The following CCDC141 variants were observed in gnomAD, a reference collection of about 807,000 sequenced individuals.
CCDC141 encodes coiled-coil domain-containing protein 141.
CCDC141 carries 168 observed loss-of-function variants against 181.0 expected under a neutral mutation model. The ratio of observed to expected loss-of-function variants is 0.93; its 90% CI spans 0.82 to 1.05. The LOEUF is 1.05. Ranked by LOEUF, CCDC141 falls within the 50% of genes least tolerant of loss-of-function variation. The pLI is 0.00. For synonymous variants in CCDC141, 666 were observed against 642.3 expected (o/e 1.04, Z -0.56); for missense variants, 1,902 against 1,788.5 (o/e 1.06, Z -1.14).
downstream of CCDC141, among the ~76,000 whole-genome samples, chr2:178,827,421 A>C (rs1684142994): frequency 6.6e-6 from 1 of 152,084 alleles, no homozygotes; most frequent in African/African-American, 2.4e-5. Context: ...TAGTAATCCC[A>C]TTTTTTGAAC....
chr2:178,858,965 G>A lies in CCDC141; in HGVS notation c.2725-2568C>T, dbSNP rs532517062. Among the ~76,000 whole-genome samples the A allele has an allele frequency of 4.0e-4, 61 of 152,200 alleles. 2 individuals are homozygous for A. The South Asian group carries it at 0.013, about 32-fold the overall frequency. On this transcript the variant is annotated intron_variant, in intron 17 of 23. Coordinates refer to ENST00000443758, the MANE Select transcript of CCDC141 (RefSeq NM_173648.4). Reference sequence around the variant, plus strand: ...AACCATGAGATTTTAAATCTACTTTGGATTAAGAAATTTAAGACTGATAAA... The same window carrying A: ...AACCATGAGATTTTAAATCTACTTTAGATTAAGAAATTTAAGACTGATAAA...
chr2:179,043,986 A>C (rs894350387), intron 2 of CCDC141, among the ~76,000 whole-genome samples: 2 of 152,194 alleles, frequency 1.3e-5, no homozygotes, highest in Admixed American at 6.5e-5. Context: ...ACGTGCAAAA[A>C]CCGCTAGCAT....
chr2:178,882,578 C>T (rs1041067530), intron 11 of CCDC141, among the ~76,000 whole-genome samples: 2 of 151,644 alleles, frequency 1.3e-5, no homozygotes, highest in Admixed American at 6.6e-5. Flanking sequence ...TTCTCAATGG[C>T]TTCATTTTTT....
Position 178,888,657 on chromosome 2 carries a change from G to T in CCDC141, c.1277C>A (p.Ser426Tyr). The T allele has an allele frequency of 3.2e-6, 5 of 1,550,532 alleles. No homozygotes were observed. Among genetic ancestry groups the T allele is most frequent in the Non-Finnish European group, 3.5e-6 (4 of 1,146,786 alleles). The change falls in exon 9 of 24, where the codon TCC (serine) becomes TAC (tyrosine). Residue 426 changes from serine (S) to tyrosine (Y), a missense_variant. Coordinates refer to ENST00000443758, the MANE Select transcript of CCDC141 (RefSeq NM_173648.4). ...GCACCCCATCATCTCATGGATGCCGGACACCTGAGAGCTGAACAGAGCAAG... is the reference window on the plus strand; with the variant it reads ...GCACCCCATCATCTCATGGATGCCGTACACCTGAGAGCTGAACAGAGCAAG... ...SQVDSCSSQV[S>Y]GIHEMMGCIK...
chr2:179,049,299 G>C (rs913340258), intron 1 of CCDC141, among the ~76,000 whole-genome samples: 3 of 152,170 alleles, frequency 2.0e-5, no homozygotes, highest in African/African-American at 7.2e-5. Context: ...CAAGGATTTA[G>C]TAGTTTCTTT....
intron 2 of CCDC141, among the ~76,000 whole-genome samples, chr2:179,015,482 T>C (rs559245716): frequency 3.1e-4 from 31 of 100,034 alleles, no homozygotes; most frequent in African/African-American, 7.3e-4. Context: ...ATGTGCCATA[T>C]ATATCATATA....
intron 2 of CCDC141, among the ~76,000 whole-genome samples, chr2:179,039,278 A>G (rs964089100): frequency 2.0e-4 from 31 of 152,188 alleles, no homozygotes; most frequent in African/African-American, 7.2e-4. Flanking sequence ...CCTTATAAAA[A>G]TTCTCAGTTT....
chr2:178,952,709 T>C (rs1429347922), intron 5 of CCDC141, among the ~76,000 whole-genome samples: 2 of 152,376 alleles, frequency 1.3e-5, no homozygotes, highest in East Asian at 1.9e-4. Flanking sequence ...ATAGCCTATA[T>C]ACCAAAATGA....
chr2:179,005,085 T>C (rs2042086090), intron 2 of CCDC141, among the ~76,000 whole-genome samples: 1 of 152,198 alleles, frequency 6.6e-6, no homozygotes, highest in South Asian at 2.1e-4. Context: ...TTGAGAGCTT[T>C]TAAATCACCA....
chr2:178,980,220 C>T (rs924118463), intron 2 of CCDC141, among the ~76,000 whole-genome samples: 4 of 152,166 alleles, frequency 2.6e-5, no homozygotes, highest in Admixed American at 6.5e-5. Flanking sequence ...GAGACCGAGG[C>T]GGGCAGATCA....
chr2:178,968,761 A>T (rs1690746810), intron 4 of CCDC141, among the ~76,000 whole-genome samples: 3 of 152,090 alleles, frequency 2.0e-5, no homozygotes, highest in African/African-American at 4.8e-5. Context: ...AGGAGATAGA[A>T]ACACTAAAAA....
chr2:179,006,667 G>C (rs989605155), intron 2 of CCDC141, among the ~76,000 whole-genome samples: 4 of 152,156 alleles, frequency 2.6e-5, no homozygotes, highest in African/African-American at 9.7e-5. Context: ...TTTAAAATTA[G>C]ATCCAGGGTT....
chr2:178,991,668 A>C (rs1692060769), intron 2 of CCDC141, among the ~76,000 whole-genome samples: 1 of 152,120 alleles, frequency 6.6e-6, no homozygotes. Context: ...AAAATAACTA[A>C]AAGTAAAGAT....
chr2:178,869,823 T>A (rs976840455), intron 14 of CCDC141, among the ~76,000 whole-genome samples: 5 of 152,202 alleles, frequency 3.3e-5, no homozygotes, highest in African/African-American at 9.6e-5. Flanking sequence ...CATCCCATGA[T>A]CCACAAATAG....
intron 8 of CCDC141, among the ~76,000 whole-genome samples, chr2:178,896,019 T>C (rs1188312335): frequency 6.6e-6 from 1 of 152,184 alleles, no homozygotes; most frequent in African/African-American, 2.4e-5. Context: ...GTTGATATCA[T>C]GGTCTGAATG....
rs776889329 is a variant in CCDC141, at chr2:178,918,727, T to TA, written c.1077dup (p.Asn360Ter). The TA allele has an allele frequency of 1.2e-5, 19 of 1,550,522 alleles. No homozygotes were observed. The highest frequency in any genetic ancestry group is 1.7e-5 in the Non-Finnish European group (19 of 1,146,950). On this transcript the variant is annotated frameshift_variant, in exon 7 of 24. Coordinates refer to ENST00000443758, the MANE Select transcript of CCDC141 (RefSeq NM_173648.4). LOFTEE classifies it high-confidence loss of function. ...CTCACACTGACCTTGTTAGCACTGT[T>TA]AAAAAATTCATTCGCCTTCTTTAAC...
In CCDC141 at chr2:178,920,022, T is replaced by C. The variant is rs559013260; in HGVS notation, c.898-1115A>G. On this transcript the variant is annotated intron_variant, in intron 6 of 23. Coordinates refer to ENST00000443758, the MANE Select transcript of CCDC141 (RefSeq NM_173648.4). The stretch of plus-strand genomic sequence containing the variant: ...AATATGAGTTGGAGTAAACCAAACA[T>C]ATTTACATTCAATTTATTTGAAGGG... Among the ~76,000 whole-genome samples, 34 of 152,346 alleles carry C rather than the reference T, an allele frequency of 2.2e-4. No homozygotes were observed. In the East Asian group the frequency reaches 6.0e-3, roughly 27 times the overall value.
At chr2:179,011,399 G>A (rs957820778) in intron 2 of CCDC141, among the ~76,000 whole-genome samples, 1 of 152,150 alleles carries the variant, frequency 6.6e-6, no homozygotes, top group East Asian at 1.9e-4. Flanking sequence ...AATGGTAAAA[G>A]ACCTTGTCCA....
intron 7 of CCDC141, among the ~76,000 whole-genome samples, chr2:178,912,883 T>G (rs1016966599): frequency 5.3e-5 from 8 of 152,216 alleles, no homozygotes; most frequent in African/African-American, 1.9e-4. Context: ...CAGCCCTTCC[T>G]CGGCCCTTCT....
Sources: allele counts gnomAD v4.1 joint callset (sites outside exome capture counted in the v4.1 genomes callset), GRCh38; gene constraint gnomAD v4.1.1; transcripts MANE v1.5; gene names NCBI Gene and HGNC (gene_info 2026-07-23, HGNC 2026-07-21).